MYO7B: variants seen among roughly 807,000 people sequenced by gnomAD.
MYO7B encodes myosin VIIB.
In MYO7B, 212 loss-of-function variants were observed where a neutral mutation model predicts 259.7. The observed-to-expected ratio is 0.82, with a 90% CI of 0.73 to 0.91. The LOEUF is 0.91. MYO7B is among the 40% of genes least tolerant of loss of function. The pLI is 0.00. For synonymous variants in MYO7B, 1,197 were observed against 1,166.4 expected (o/e 1.03, Z -0.54); for missense variants, 2,732 against 2,813.5 (o/e 0.97, Z 0.66).
chr2:127,600,499 CAGG>C, intron 19 of MYO7B, among the ~76,000 whole-genome samples: 1 of 152,206 alleles, frequency 6.6e-6, no homozygotes, highest in Non-Finnish European at 1.5e-5. Context: ...CACCTGAGGT[CAGG>C]AGTCCGAGAC....
chr2:127,611,464 G>A lies in MYO7B; in HGVS notation c.3193-786G>A, dbSNP rs948715573. Among the ~76,000 whole-genome samples, 5 of 152,202 alleles carry A rather than the reference G, an allele frequency of 3.3e-5. No individual in the cohort carries two copies. Among genetic ancestry groups the A allele is most frequent in the African/African-American group, 1.2e-4 (5 of 41,464 alleles). The stretch of plus-strand genomic sequence containing the variant: ...CCAGAGGTCAGATCTCAGGTTTTCT[G>A]TCCTGCATGTGTTTATTAAATATCC... On this transcript the variant is annotated intron_variant, in intron 24 of 47. Transcript: ENST00000409816. This position sits in a 1 kb window ranked among gnomAD's most constrained non-coding sequence, Gnocchi z 5.4.
At position 127,609,558 on chromosome 2, in the gene MYO7B, C is replaced by T. The variant is rs1340980643; in HGVS notation, c.2867C>T (p.Pro956Leu). 3.1e-6 allele frequency: 5 copies of T among 1,613,842 alleles called. No individual in the cohort carries two copies. The highest frequency in any genetic ancestry group is 1.3e-5 in the African/African-American group (1 of 74,932). The change falls in exon 23 of 48, where the codon CCC becomes CTC. Residue 956 changes from proline to leucine, a missense_variant. Transcript: ENST00000409816. The surrounding 1 kb of genome is among the most constrained non-coding windows in gnomAD (Gnocchi z 6.9). Reference protein sequence around the residue: ...KLLEVDLDTVPMAEEPEEDVD... With the variant: ...KLLEVDLDTVLMAEEPEEDVD... ...CTTGAGGTTGACCTGGACACAGTCC[C>T]CATGGCGGAGGAGCCTGAGGAGGAT...
intron 1 of MYO7B, among the ~76,000 whole-genome samples, chr2:127,550,331 C>T (rs989536800): frequency 6.6e-6 from 1 of 152,128 alleles, no homozygotes; most frequent in Non-Finnish European, 1.5e-5. Context: ...TTTCAGAGGA[C>T]AAGGTGGGCA....
chr2:127,628,193 C>A lies in MYO7B; in HGVS notation c.4461-179C>A. Reference sequence around the variant, plus strand: ...CTCAGCCTCCGAGAGGTCCTGTGCTCCGCCGTCCTTCATTTGTCCAGACCC... The same window carrying A: ...CTCAGCCTCCGAGAGGTCCTGTGCTACGCCGTCCTTCATTTGTCCAGACCC... On this transcript the variant is annotated intron_variant, in intron 33 of 47. Transcript: ENST00000409816. The surrounding 1 kb of genome is among the most constrained non-coding windows in gnomAD (Gnocchi z 4.8). The A allele has an allele frequency of 2.6e-6, 2 of 776,882 alleles. No homozygotes were observed. Among genetic ancestry groups the A allele is most frequent in the Non-Finnish European group, 4.4e-6 (2 of 455,656 alleles). 48.1% of individuals were successfully genotyped at this position (776,882 alleles called of 1,614,324 possible). A position where few individuals can be genotyped will look rare whatever the true frequency, so the allele number is the denominator to read the frequency against.
At chr2:127,574,326 A>G (rs1281960996) in intron 7 of MYO7B, among the ~76,000 whole-genome samples, 1 of 152,208 alleles carries the variant, frequency 6.6e-6, no homozygotes, top group East Asian at 1.9e-4. Context: ...ACTTGAGGCC[A>G]GGAGTTTGAG....
intron 22 of MYO7B, 102 bp downstream of exon 22, chr2:127,608,980 C>A: frequency 1.4e-6 from 2 of 1,436,586 alleles, no homozygotes; most frequent in Non-Finnish European, 1.9e-6. Flanking sequence ...GAAGCCAGAG[C>A]GGTGGCCAAG....
rs550852368 is a variant in MYO7B, at chr2:127,547,376, C to T, written c.-24+11545C>T. On this transcript the variant is annotated intron_variant, in intron 1 of 47. Coordinates refer to ENST00000409816, the MANE Select transcript of MYO7B (RefSeq NM_001393586.1). ...GGATGTCTGTGCCTGTGTGTGTGTA[C>T]ATGCATGCATGTATGGTAACACACG... Among the ~76,000 whole-genome samples the T allele has an allele frequency of 3.7e-4, 56 of 152,318 alleles. 1 individual carries two copies. In the South Asian group the frequency reaches 0.011, roughly 30 times the overall value.
At position 127,631,734 on chromosome 2, in the gene MYO7B, C is replaced by A. The variant is rs760547677; in HGVS notation, c.5230C>A (p.Leu1744Met). The change falls in exon 38 of 48, where the codon CTG (leucine) becomes ATG (methionine). Residue 1744 changes from leucine (L) to methionine (M), a missense_variant. By Grantham distance (15) the Leu-to-Met change is conservative (BLOSUM62 2). Around this residue, in one of 3 missense-constraint regions of MYO7B, gnomAD observed 821 missense variants for 769.3 expected, o/e 1.07. Coordinates refer to ENST00000409816, the MANE Select transcript of MYO7B (RefSeq NM_001393586.1). ...GGTCTACTGCCAGATCCTGAAGCAG[C>A]TGACGCACAACTCCAACAGGTCTGC... ...DEVYCQILKQ[L>M]THNSNRHSEE... The A allele has an allele frequency of 1.2e-6, 2 of 1,612,680 alleles. No individual in the cohort carries two copies. The highest frequency in any genetic ancestry group is 2.2e-5 in the South Asian group (2 of 91,060).
rs1051645553 is a variant in MYO7B at position 127,611,543 on chromosome 2, G to C, written c.3193-707G>C. 6.6e-6 allele frequency among the ~76,000 whole-genome samples: 1 copy of C among 152,134 alleles called. No individual in the cohort carries two copies. The highest frequency in any genetic ancestry group is 6.5e-5 in the Admixed American group (1 of 15,272). ...GCCCAGCAAGCCTCACTGCCCTCAC[G>C]GACTTTGCCAGCTCATGTGTTTCAT... is the stretch of plus-strand genomic sequence containing the variant. On this transcript the variant is annotated intron_variant, in intron 24 of 47. Coordinates refer to ENST00000409816, the MANE Select transcript of MYO7B (RefSeq NM_001393586.1). This position sits in a 1 kb window ranked among gnomAD's most constrained non-coding sequence, Gnocchi z 5.4.
At position 127,581,878 on chromosome 2, in the gene MYO7B, C is replaced by A; in HGVS notation, c.1081-13C>A. The A allele has an allele frequency of 1.2e-6, 2 of 1,613,454 alleles. No individual in the cohort carries two copies. Among genetic ancestry groups the A allele is most frequent in the Non-Finnish European group, 1.7e-6 (2 of 1,179,782 alleles). ...CTCCACAGGTGCGACGCAGCCCCCACCTGCCTCCCCAGGTGCAGCACCAGG... is the reference window on the plus strand; with the variant it reads ...CTCCACAGGTGCGACGCAGCCCCCAACTGCCTCCCCAGGTGCAGCACCAGG... On this transcript the variant is annotated splice_polypyrimidine_tract_variant and intron_variant, in intron 10 of 47. Coordinates refer to ENST00000409816, the MANE Select transcript of MYO7B (RefSeq NM_001393586.1).
In MYO7B at chr2:127,566,696, C is replaced by G. The variant is rs145802059; in HGVS notation, c.339C>G (p.Leu113=). ...TCAACCCGTTCCAGGTGCTGCCGCT[C>G]TACACCCTGGAGCAGGTACAGCTCT... ...VAVNPFQVLP[L]YTLEQVQLYY... is the part of the protein sequence containing the mutation. Residue 113 remains leucine (L), a synonymous_variant, in exon 5 of 48, where the codon CTC becomes CTG. Coordinates refer to ENST00000409816, the MANE Select transcript of MYO7B (RefSeq NM_001393586.1). 2.4e-3 allele frequency: 3,819 copies of G among 1,609,518 alleles called. 30 individuals carry two copies. Among genetic ancestry groups the G allele is most frequent in the South Asian group, 0.016 (1,412 of 90,488 alleles).
In MYO7B at chr2:127,584,182, C is replaced by T. The variant is rs756955734; in HGVS notation, c.1404C>T (p.His468=). 4 of 1,613,968 alleles carry T rather than the reference C, an allele frequency of 2.5e-6. No individual in the cohort carries two copies. Among genetic ancestry groups the T allele is most frequent in the Non-Finnish European group, 3.4e-6 (4 of 1,179,880 alleles). ...ACCTGCAGCAGTTCTTTGTGCAGCA[C>T]GTGTTCACCATGGAGCAAGAGGAGT... ...NEHLQQFFVQ[H]VFTMEQEEYR... The change falls in exon 13 of 48, where the codon CAC becomes CAT. Residue 468 remains histidine, a synonymous_variant. Transcript: ENST00000409816. This position sits in a 1 kb window ranked among gnomAD's most constrained non-coding sequence, Gnocchi z 5.8.
chr2:127,610,142 A>T (rs1178555901), intron 24 of MYO7B, 126 bp downstream of exon 24: 1 of 1,301,094 alleles, frequency 7.7e-7, no homozygotes, highest in Admixed American at 2.5e-5. Flanking sequence ...AGCCTTACCC[A>T]TGGAACCCAG....
At position 127,566,688 on chromosome 2, in the gene MYO7B, C is replaced by T. The variant is rs1678360670; in HGVS notation, c.331C>T (p.Leu111=). 2 of 1,606,372 alleles carry T rather than the reference C, an allele frequency of 1.2e-6. No individual in the cohort carries two copies. Among genetic ancestry groups the T allele is most frequent in the South Asian group, 1.1e-5 (1 of 90,054 alleles). The change falls in exon 5 of 48, where the codon CTG becomes TTG. Residue 111 remains leucine, a synonymous_variant. Transcript: ENST00000409816. ...GGTGGCCGTCAACCCGTTCCAGGTG[C>T]TGCCGCTCTACACCCTGGAGCAGGT... The part of the protein sequence containing the change: ...ILVAVNPFQV[L]PLYTLEQVQL...
At chr2:127,625,194 C>T (rs1681042290) in intron 30 of MYO7B, among the ~76,000 whole-genome samples, 174 bp from the exon 31 acceptor site, 1 of 152,230 alleles carries the variant, frequency 6.6e-6, no homozygotes, top group South Asian at 2.1e-4. Context: ...CTGGGATTCC[C>T]AGCCTGCATG....
rs1252579795 is a variant in MYO7B, at chr2:127,622,056, T to C, written c.3600T>C (p.Tyr1200=). The C allele has an allele frequency of 1.3e-6, 2 of 1,551,686 alleles. No homozygotes were observed. Among genetic ancestry groups the C allele is most frequent in the Non-Finnish European group, 1.7e-6 (2 of 1,146,974 alleles). The stretch of plus-strand genomic sequence containing the variant: ...GTGCCGAGCGCCTGAGACGCACCTA[T>C]GCCAATGGGGTGCGTGCGGAGCCCC... ...PFCAERLRRT[Y]ANGVRAEPPT... The change falls in exon 28 of 48, where the codon TAT becomes TAC. Residue 1200 remains tyrosine (Y), a synonymous_variant. Coordinates refer to ENST00000409816, the MANE Select transcript of MYO7B (RefSeq NM_001393586.1).
intron 12 of MYO7B, among the ~76,000 whole-genome samples, chr2:127,582,845 G>T (rs1679158587): frequency 6.6e-6 from 1 of 152,232 alleles, no homozygotes; most frequent in Non-Finnish European, 1.5e-5. Flanking sequence ...TTTAGTTTGT[G>T]GGGTAAGGCA....
At chr2:127,555,212 G>C (rs567322088) in intron 1 of MYO7B, among the ~76,000 whole-genome samples, 1 of 152,294 alleles carries the variant, frequency 6.6e-6, no homozygotes, top group African/African-American at 2.4e-5. Flanking sequence ...CTCCCAAAGT[G>C]CTGGGATTAC....
At chr2:127,540,464 G>A (rs577691404) in intron 1 of MYO7B, among the ~76,000 whole-genome samples, 16 of 152,252 alleles carry the variant, frequency 1.1e-4, no homozygotes, top group East Asian at 3.9e-4. Flanking sequence ...GCGCCCAGCC[G>A]CAAGTGTCTT....
Sources: allele counts gnomAD v4.1 joint callset (sites outside exome capture counted in the v4.1 genomes callset), GRCh38; gene constraint gnomAD v4.1.1; regional missense constraint gnomAD v4.1.1; non-coding constraint Gnocchi (gnomAD v3.1); transcripts MANE v1.5; gene names NCBI Gene and HGNC (gene_info 2026-07-23, HGNC 2026-07-21).